Variants in PEX1 observed in about 807,000 individuals in gnomAD.
PEX1 encodes peroxisomal biogenesis factor 1.
A neutral mutation model predicts 152.5 loss-of-function variants in PEX1; 97 were observed. The observed-to-expected ratio is 0.64, with a 90% CI of 0.54 to 0.75. The LOEUF (loss-of-function observed/expected upper bound fraction) is 0.75. Ranked by LOEUF, PEX1 falls within the 30% of genes least tolerant of loss-of-function variation. PEX1 has a pLI of 0.00. For missense variants in PEX1, 1,357 were observed against 1,516.3 expected (o/e 0.89, Z 1.74); for synonymous variants, 485 against 531.6 (o/e 0.91, Z 1.21).
rs530953508 is a variant in PEX1, at chr7:92,511,778, A to C, written c.1360-75T>G. ...TTTAACACCCTTATTTTAACATCTG[A>C]TCTTCCTAATAAAGTGTAAGCCTGA... On this transcript the variant is annotated intron_variant, in intron 6 of 23. Coordinates refer to ENST00000248633, the MANE Select transcript of PEX1 (RefSeq NM_000466.3). 3.7e-6 allele frequency: 5 copies of C among 1,351,416 alleles called. No homozygotes were observed. In the East Asian group the frequency reaches 9.3e-5, roughly 25 times the overall value. 83.7% of individuals were successfully genotyped at this position (1,351,416 alleles called of 1,614,324 possible). A position where few individuals can be genotyped will look rare whatever the true frequency, so the allele number is the denominator to read the frequency against.
At chr7:92,489,523 C>A in intron 22 of PEX1, 100 bp from the exon 23 acceptor site, 1 of 1,119,434 alleles carries the variant, frequency 8.9e-7, no homozygotes, top group Non-Finnish European at 1.3e-6. Flanking sequence ...TTTCAAGAGA[C>A]CATACGTTCT....
At chr7:92,512,283 A>G (rs1167708512) in intron 6 of PEX1, among the ~76,000 whole-genome samples, 1 of 151,880 alleles carries the variant, frequency 6.6e-6, no homozygotes, top group Non-Finnish European at 1.5e-5. Flanking sequence ...TGGCCTTCCA[A>G]AGTGCTGGGA....
chr7:92,490,886 A>T (rs1310137697), intron 21 of PEX1, among the ~76,000 whole-genome samples: 1 of 152,236 alleles, frequency 6.6e-6, no homozygotes, highest in Non-Finnish European at 1.5e-5. Flanking sequence ...TATCACAGAT[A>T]ACACTTTGTT....
intron 12 of PEX1, among the ~76,000 whole-genome samples, 179 bp from the exon 13 acceptor site, chr7:92,503,374 G>A (rs577808417): frequency 1.3e-5 from 2 of 152,074 alleles, no homozygotes; most frequent in African/African-American, 4.8e-5. Context: ...TTTATCTATT[G>A]AGGACCTAAT....
rs1213704695 is a variant in PEX1, at chr7:92,519,007, A to G, written c.345T>C (p.Asp115=). 1.2e-6 allele frequency: 2 copies of G among 1,609,634 alleles called. No individual in the cohort carries two copies. Among genetic ancestry groups the G allele is most frequent in the African/African-American group, 1.3e-5 (1 of 74,858 alleles). ...QVEVEPLSAD[D]WEILELHAVS... ...TGGTTTTCTTTACCAGTATCTCCCA[A>G]TCATCTGCTGAGAGGGGTTCCACCT... The change falls in exon 3 of 24, where the codon GAT becomes GAC. Residue 115 remains aspartate, a synonymous_variant. Transcript: ENST00000248633.
In PEX1 at chr7:92,518,028, C is replaced by G. The variant is rs750376002; in HGVS notation, c.487G>C (p.Ala163Pro). Reference protein sequence around the residue: ...IFIQIVALIPAASYGRLETDT... With the variant: ...IFIQIVALIPPASYGRLETDT... ...GTTTCCAGCCTTCCATAAGAGGCAG[C>G]TGGTATTAGTGCAACTGTGTAGAAA... Residue 163 changes from alanine (A) to proline (P), a missense_variant, in exon 5 of 24, where the codon GCT becomes CCT. Transcript: ENST00000248633. 1.2e-6 allele frequency: 2 copies of G among 1,614,122 alleles called. No individual in the cohort carries two copies. Among genetic ancestry groups the G allele is most frequent in the Middle Eastern group, 1.6e-4 (1 of 6,062 alleles).
At chr7:92,507,246 T>C (rs1402468237) in intron 9 of PEX1, 120 bp from the exon 10 acceptor site, 1 of 335,042 alleles carries the variant, frequency 3.0e-6, no homozygotes, top group East Asian at 1.2e-4. Flanking sequence ...ATTTTTTATC[T>C]TTTTTTTTTT....
chr7:92,492,738 G>T (rs1791405649), intron 20 of PEX1, among the ~76,000 whole-genome samples: 1 of 152,018 alleles, frequency 6.6e-6, no homozygotes. Flanking sequence ...CAATATTAAG[G>T]TAATGTTAAA....
chr7:92,499,276 C>T (rs568346701), intron 16 of PEX1, among the ~76,000 whole-genome samples: 1 of 152,270 alleles, frequency 6.6e-6, no homozygotes, highest in East Asian at 1.9e-4. Context: ...TTTACAGCAA[C>T]ATTATTCATA....
At chr7:92,504,241 C>A (rs1002970821) in intron 12 of PEX1, among the ~76,000 whole-genome samples, 2 of 151,924 alleles carry the variant, frequency 1.3e-5, no homozygotes, top group African/African-American at 4.8e-5. Flanking sequence ...TCAAATTAAT[C>A]TCTCTGAATT....
chr7:92,499,903 G>A, intron 15 of PEX1, 65 bp from the exon 16 acceptor site: 1 of 1,339,000 alleles, frequency 7.5e-7, no homozygotes, highest in South Asian at 1.2e-5. Context: ...CTAAGTAGCA[G>A]CTAAAGATCA....
At chr7:92,515,304 G>C (rs1345822606) in intron 5 of PEX1, among the ~76,000 whole-genome samples, 2 of 148,270 alleles carry the variant, frequency 1.3e-5, no homozygotes, top group Non-Finnish European at 1.5e-5. Context: ...TAACAATCAA[G>C]TTTCCTGTTT....
chr7:92,509,573 A>G (rs1406142768), intron 8 of PEX1, among the ~76,000 whole-genome samples, 162 bp from the exon 9 acceptor site: 1 of 152,208 alleles, frequency 6.6e-6, no homozygotes, highest in Non-Finnish European at 1.5e-5. Flanking sequence ...CAATGTACCC[A>G]TCCAGGGAAT....
At chr7:92,516,796 C>T (rs1792806352) in intron 5 of PEX1, among the ~76,000 whole-genome samples, 1 of 152,180 alleles carries the variant, frequency 6.6e-6, no homozygotes, top group Admixed American at 6.5e-5. Flanking sequence ...TGGATGCATT[C>T]CAATCCAGGT....
At chr7:92,498,665 A>G (rs1045090084) in intron 16 of PEX1, among the ~76,000 whole-genome samples, 1 of 152,194 alleles carries the variant, frequency 6.6e-6, no homozygotes, top group Non-Finnish European at 1.5e-5. Context: ...TGCGACCACA[A>G]TGACACACCA....
In PEX1 at chr7:92,489,803, C is replaced by A. The variant is rs1057517480; in HGVS notation, c.3547G>T (p.Glu1183Ter). Residue 1183 changes from glutamate (E) to a stop codon, truncating the protein, a stop_gained, in exon 22 of 24, where the codon GAG becomes TAG. Transcript: ENST00000248633. LOFTEE classifies it high-confidence loss of function. ...TCTTGTGTAAGTTCTTGGCAACCCT[C>A]TTGTGAAGCTGTCCTTAACACTGGA... Reference protein sequence around the residue: ...QPPVLRTASQEGCQELTQEQR... With the variant: ...QPPVLRTASQ 6.2e-7 allele frequency: 1 copy of A among 1,614,060 alleles called. No individual in the cohort carries two copies. Among genetic ancestry groups the A allele is most frequent in the Non-Finnish European group, 8.5e-7 (1 of 1,179,958 alleles).
chr7:92,492,890 T>G (rs1195401857), intron 20 of PEX1, 63 bp downstream of exon 20: 1 of 1,297,694 alleles, frequency 7.7e-7, no homozygotes, highest in Non-Finnish European at 1.1e-6. Flanking sequence ...AAGGTGGAAA[T>G]TTTGACATTG....
intron 18 of PEX1, 45 bp from the exon 19 acceptor site, chr7:92,494,441 A>G (rs1377384112): frequency 4.3e-6 from 7 of 1,611,510 alleles, no homozygotes; most frequent in Non-Finnish European, 5.9e-6. Context: ...TGATGACATG[A>G]TGACATTTTG....
At chr7:92,508,523 G>T (rs1030566031) in intron 9 of PEX1, among the ~76,000 whole-genome samples, 1 of 150,700 alleles carries the variant, frequency 6.6e-6, no homozygotes, top group African/African-American at 2.4e-5. Context: ...GAGTGACAAA[G>T]TGAGAGTCCA....
Sources: gnomAD v4.1 joint callset for allele counts (sites outside exome capture counted in the v4.1 genomes callset) on GRCh38, gnomAD v4.1.1 for gene constraint, MANE v1.5 for transcripts, NCBI Gene and HGNC (gene_info 2026-07-23, HGNC 2026-07-21) for gene names.